OR56A3: variants seen among roughly 807,000 people sequenced by gnomAD.
OR56A3 encodes olfactory receptor 56A3.
Under a neutral mutation model 17.5 loss-of-function variants are expected in OR56A3, and 23 were observed. That is an observed-to-expected ratio of 1.32 (90% CI 0.95 to 1.87). OR56A3 has a LOEUF of 1.87. Ranked by LOEUF, OR56A3 falls within the 40% of genes most tolerant of loss-of-function variation. The pLI, the probability that OR56A3 is intolerant of heterozygous loss-of-function variation, is 0.00. For missense variants in OR56A3, 366 were observed against 380.1 expected, an observed-to-expected ratio of 0.96 and a Z score of 0.31; for synonymous variants, 175 against 150.6, an observed-to-expected ratio of 1.16 and a Z score of -1.19.
chr11:5,998,280 G>T, the OR56A3 span, among the ~76,000 whole-genome samples: 3 of 152,104 alleles, frequency 2.0e-5, no homozygotes, highest in Admixed American at 2.0e-4. Flanking sequence ...GATAGAGATG[G>T]TTTCATTACA....
At chr11:6,009,791 A>G in the OR56A3 span, among the ~76,000 whole-genome samples, 1 of 152,202 alleles carries the variant, frequency 6.6e-6, no homozygotes. Context: ...AAGATAATTC[A>G]GCCATTATCC....
chr11:5,947,283 C>T (rs911616952), intron 2 of OR56A3, 28 bp from the exon 3 acceptor site: 2 of 1,396,946 alleles, frequency 1.4e-6, no homozygotes, highest in African/African-American at 2.9e-5. Context: ...CAAGAATCCA[C>T]AGCTAGTTTG....
At chr11:5,959,917 A>G in the OR56A3 span, among the ~76,000 whole-genome samples, 2,036 of 152,280 alleles carry the variant, frequency 0.013, 50 homozygotes, top group African/African-American at 0.047. Flanking sequence ...CTATTTATTG[A>G]AAAATCTCCT....
chr11:5,991,337 G>GC, the OR56A3 span, among the ~76,000 whole-genome samples: 723 of 152,248 alleles, frequency 4.7e-3, 8 homozygotes, highest in African/African-American at 0.016. Context: ...TTAGCTCTCA[G>GC]CCCTCCCCTA....
chr11:6,009,809 T>A, the OR56A3 span, among the ~76,000 whole-genome samples: 2 of 152,236 alleles, frequency 1.3e-5, no homozygotes, highest in Non-Finnish European at 2.9e-5. Context: ...TCCCTTTGAA[T>A]GTTTCTCCTC....
At chr11:5,986,820 A>G in the OR56A3 span, 54,150 of 1,613,950 alleles carry the variant, frequency 0.034, 1,119 homozygotes, top group Middle Eastern at 0.051. Context: ...TTTCCTCTAA[A>G]CCTGGAATCC....
chr11:5,971,499 G>A, the OR56A3 span, among the ~76,000 whole-genome samples: 1 of 152,110 alleles, frequency 6.6e-6, no homozygotes, highest in African/African-American at 2.4e-5. Flanking sequence ...ACATTGTGGA[G>A]AATTATCTGA....
the OR56A3 span, among the ~76,000 whole-genome samples, chr11:5,957,666 G>A: frequency 7.9e-5 from 12 of 152,190 alleles, no homozygotes; most frequent in Non-Finnish European, 1.3e-4. Context: ...GCTACCACTG[G>A]AATTTTAATT....
downstream of OR56A3, among the ~76,000 whole-genome samples, chr11:5,953,273 C>T (rs1354698590): frequency 1.3e-5 from 2 of 152,104 alleles, no homozygotes; most frequent in East Asian, 3.9e-4. Flanking sequence ...CCACCAACAG[C>T]TTATATGCAT....
chr11:5,947,592 C>A lies in OR56A3; in HGVS notation c.246C>A (p.Ile82=). ...LLDIVLCLTV[I]PKVLTIFWFD... is the part of the protein sequence containing the mutation. ...ACATCGTGCTCTGCCTCACTGTCAT[C>A]CCCAAGGTCCTGACCATCTTCTGGT... The change falls in exon 3 of 3, where the codon ATC becomes ATA. Residue 82 remains isoleucine (I), a synonymous_variant. Coordinates refer to ENST00000641160, the MANE Select transcript of OR56A3 (RefSeq NM_001003443.3). 6.2e-7 allele frequency: 1 copy of A among 1,614,228 alleles called. No individual in the cohort carries two copies. The highest frequency in any genetic ancestry group is 1.1e-5 in the South Asian group (1 of 91,080).
At chr11:5,981,538 C>T in the OR56A3 span, among the ~76,000 whole-genome samples, 1 of 152,110 alleles carries the variant, frequency 6.6e-6, no homozygotes, top group African/African-American at 2.4e-5. Context: ...CTTAAAATGG[C>T]TATTTGTCTT....
At chr11:6,019,048 A>G in the OR56A3 span, among the ~76,000 whole-genome samples, 2 of 152,050 alleles carry the variant, frequency 1.3e-5, no homozygotes, top group Admixed American at 1.3e-4. Flanking sequence ...TGCCAACAAA[A>G]AAAAGCACAG....
At chr11:5,972,997 A>G in the OR56A3 span, among the ~76,000 whole-genome samples, 15 of 152,212 alleles carry the variant, frequency 9.9e-5, no homozygotes, top group African/African-American at 3.6e-4. Context: ...CATTAACATC[A>G]TAAGATGTTA....
At chr11:5,961,792 A>G in the OR56A3 span, among the ~76,000 whole-genome samples, 3 of 151,340 alleles carry the variant, frequency 2.0e-5, no homozygotes, top group Admixed American at 6.6e-5. Flanking sequence ...CATTGACTCT[A>G]TATATAACTT....
chr11:6,010,149 T>C, the OR56A3 span, among the ~76,000 whole-genome samples: 1 of 152,344 alleles, frequency 6.6e-6, no homozygotes, highest in East Asian at 1.9e-4. Flanking sequence ...TATTTAACCA[T>C]TTTAAACATA....
chr11:5,963,652 T>C, the OR56A3 span, among the ~76,000 whole-genome samples: 1 of 152,302 alleles, frequency 6.6e-6, no homozygotes, highest in Non-Finnish European at 1.5e-5. Context: ...TTGACAGTTT[T>C]ATTATAATAT....
At chr11:5,994,154 T>C in the OR56A3 span, 1 of 507,146 alleles carries the variant, frequency 2.0e-6, no homozygotes, top group South Asian at 1.6e-5. Context: ...AGGATCCCAT[T>C]GAGCTGCTCC....
the OR56A3 span, among the ~76,000 whole-genome samples, chr11:6,017,887 G>A: frequency 2.1e-4 from 32 of 152,246 alleles, no homozygotes; most frequent in African/African-American, 7.2e-4. Context: ...CATGCAAATT[G>A]AAACCAAAGG....
At chr11:5,943,209 A>G (rs528877726) in intron 1 of OR56A3, 45 of 152,312 alleles carry the variant, frequency 3.0e-4, no homozygotes, top group African/African-American at 1.0e-3. Context: ...GAAAAAGGAA[A>G]AGTCAGTGAG....
Sources: allele counts gnomAD v4.1 joint callset (sites outside exome capture counted in the v4.1 genomes callset), GRCh38; gene constraint gnomAD v4.1.1; transcripts MANE v1.5; gene names NCBI Gene and HGNC (gene_info 2026-07-23, HGNC 2026-07-21).